PITRM1: variants seen among roughly 807,000 people sequenced by gnomAD.
The protein encoded by PITRM1 is pitrilysin metallopeptidase 1, also known as presequence protease, mitochondrial.
PITRM1 carries 100 observed loss-of-function variants against 129.9 expected under a neutral mutation model. The observed-to-expected ratio is 0.77, with a 90% CI of 0.65 to 0.91. The LOEUF is 0.91. PITRM1 is among the 40% of genes least tolerant of loss of function. The pLI is 0.00. For synonymous variants in PITRM1, 591 were observed against 508.8 expected, an observed-to-expected ratio of 1.16 and a Z score of -2.17; for missense variants, 1,471 against 1,318.3, an observed-to-expected ratio of 1.12 and a Z score of -1.79.
intron 6 of PITRM1, among the ~76,000 whole-genome samples, chr10:3,164,882 C>A (rs1446512583): frequency 6.6e-6 from 1 of 152,230 alleles, no homozygotes; most frequent in African/African-American, 2.4e-5. Flanking sequence ...GCTCTGTATG[C>A]AGCTCGCTGT....
Position 3,151,313 on chromosome 10 carries a change from G to T in PITRM1, c.1672C>A (p.Pro558Thr), listed in dbSNP as rs764260771. Residue 558 changes from proline to threonine, a missense_variant, in exon 15 of 27, where the codon CCA becomes ACA. By Grantham distance (38) the Pro-to-Thr change is conservative. Coordinates refer to ENST00000224949, the MANE Select transcript of PITRM1 (RefSeq NM_014889.4). ...QSKPQDASCL[P>T]ALKVSDIEPT... ...TCAATATCGGAAACTTTCAACGCTG[G>T]CAGACAAGAGGCATCTTGAGGTTTG... The T allele has an allele frequency of 1.2e-6, 2 of 1,611,302 alleles. No homozygotes were observed. The highest frequency in any genetic ancestry group is 3.3e-5 in the Admixed American group (2 of 59,714).
At chr10:3,163,219 CAATT>C (rs1842592315) in intron 7 of PITRM1, 1 of 151,994 alleles carries the variant, frequency 6.6e-6, no homozygotes, top group Non-Finnish European at 1.5e-5. Flanking sequence ...TATGTAAATA[CAATT>C]AGTGTTTTAT....
rs574989505 is a variant in PITRM1, at chr10:3,157,178, G to A, written c.1348-114C>T. 6.1e-5 allele frequency: 60 copies of A among 989,482 alleles called. No individual in the cohort carries two copies. The South Asian group carries it at 1.1e-3, about 18-fold the overall frequency. 61.3% of individuals were successfully genotyped at this position (989,482 alleles called of 1,614,324 possible). On this transcript the variant is annotated intron_variant, in intron 12 of 26. Coordinates refer to ENST00000224949, the MANE Select transcript of PITRM1 (RefSeq NM_014889.4). The stretch of plus-strand genomic sequence containing the variant: ...TTCTGTATTTAAATATACCACAGAT[G>A]ATTGTTTATAACAAAAGTCATGTAA...
At chr10:3,163,977 G>A in intron 6 of PITRM1, 92 bp from the exon 7 acceptor site, 1 of 794,778 alleles carries the variant, frequency 1.3e-6, no homozygotes, top group Non-Finnish European at 1.9e-6. Flanking sequence ...TCACATTCTG[G>A]TGCATACACC....
chr10:3,151,213 C>T (rs745843718), intron 15 of PITRM1, 34 bp downstream of exon 15: 22 of 1,215,928 alleles, frequency 1.8e-5, no homozygotes, highest in African/African-American at 4.5e-5. Flanking sequence ...CCAAGGAACC[C>T]GAGACCCGGG....
At position 3,157,048 on chromosome 10, in the gene PITRM1, C is replaced by CA. The variant is rs1322653760; in HGVS notation, c.1363dup (p.Trp455LeufsTer4). 3 of 1,609,682 alleles carry CA rather than the reference C, an allele frequency of 1.9e-6. No homozygotes were observed. The highest frequency in any genetic ancestry group is 2.5e-6 in the Non-Finnish European group (3 of 1,178,900). On this transcript the variant is annotated frameshift_variant, in exon 13 of 27. Coordinates refer to ENST00000224949, the MANE Select transcript of PITRM1 (RefSeq NM_014889.4). LOFTEE classifies it high-confidence loss of function. ...CTCCACAGGGTCCCCATCATGGTTC[C>CA]AGCAAGAAGCTATGTACTGGAAGGA...
chr10:3,154,223 G>A (rs537203302), intron 14 of PITRM1, among the ~76,000 whole-genome samples: 1 of 152,338 alleles, frequency 6.6e-6, no homozygotes, highest in Non-Finnish European at 1.5e-5. Context: ...CTCCTTCACA[G>A]CTAGTGGCAT....
rs182908950 is a variant in PITRM1, at chr10:3,138,946, C to T, written c.2875G>A (p.Val959Ile). The change falls in exon 25 of 27, where the codon GTC (valine) becomes ATC (isoleucine). Residue 959 changes from valine to isoleucine, a missense_variant. Physicochemically the swap from Val to Ile is conservative, Grantham distance 29. Coordinates refer to ENST00000224949, the MANE Select transcript of PITRM1 (RefSeq NM_014889.4). ...QQDIDEAKLS[V>I]FSTVDAPVAP... The stretch of plus-strand genomic sequence containing the variant: ...ACAGGAGCATCTACGGTTGAGAAGA[C>T]AGAAAGTTTGGCTTCGTCGATGTCT... 8.7e-6 allele frequency: 14 copies of T among 1,613,988 alleles called. No individual in the cohort carries two copies. The highest frequency in any genetic ancestry group is 3.3e-5 in the South Asian group (3 of 91,082).
At chr10:3,165,162 C>G (rs1325699167) in intron 6 of PITRM1, 76 bp downstream of exon 6, 1 of 1,003,678 alleles carries the variant, frequency 1.0e-6, no homozygotes, top group Non-Finnish European at 1.5e-6. Context: ...ATAAAATCTT[C>G]CAGATGTGTC....
At chr10:3,169,900 C>T (rs73579051) in intron 2 of PITRM1, among the ~76,000 whole-genome samples, 1 of 152,282 alleles carries the variant, frequency 6.6e-6, no homozygotes, top group African/African-American at 2.4e-5. Context: ...CCAGGCTTTG[C>T]GGGATTCCAG....
chr10:3,159,218 G>C (rs917603013), intron 9 of PITRM1, among the ~76,000 whole-genome samples, 176 bp from the exon 10 acceptor site: 3 of 152,132 alleles, frequency 2.0e-5, no homozygotes, highest in African/African-American at 4.8e-5. Flanking sequence ...ATTTTTGAAG[G>C]GGGGCACAAA....
At chr10:3,143,351 G>A (rs538500156) in intron 23 of PITRM1, 38 bp downstream of exon 23, 134 of 1,289,566 alleles carry the variant, frequency 1.0e-4, no homozygotes, top group Non-Finnish European at 1.4e-4. Context: ...TCTTCCGTAA[G>A]GCTCAGGCCT....
chr10:3,172,009 T>C (rs555309198), intron 1 of PITRM1, among the ~76,000 whole-genome samples: 409 of 152,342 alleles, frequency 2.7e-3, no homozygotes, highest in Non-Finnish European at 5.0e-3. Flanking sequence ...AGATATGCTA[T>C]AACCAACATT....
At chr10:3,171,471 T>C (rs1843350528) in intron 1 of PITRM1, among the ~76,000 whole-genome samples, 1 of 152,054 alleles carries the variant, frequency 6.6e-6, no homozygotes, top group South Asian at 2.1e-4. Flanking sequence ...TTGAGACAGA[T>C]CTCACTCTGT....
chr10:3,171,017 G>A (rs971611013), intron 1 of PITRM1, among the ~76,000 whole-genome samples: 11 of 151,562 alleles, frequency 7.3e-5, no homozygotes, highest in African/African-American at 1.7e-4. Context: ...GGTCTCTATC[G>A]TCCACACCTT....
intron 14 of PITRM1, among the ~76,000 whole-genome samples, chr10:3,155,085 C>A (rs1030333166): frequency 6.6e-6 from 1 of 152,218 alleles, no homozygotes; most frequent in African/African-American, 2.4e-5. Flanking sequence ...CAGGCCCTCC[C>A]CAGAGCCACA....
intron 23 of PITRM1, among the ~76,000 whole-genome samples, chr10:3,142,149 C>A (rs575409752): frequency 3.3e-5 from 5 of 152,328 alleles, no homozygotes; most frequent in African/African-American, 1.2e-4. Context: ...TGGAAACAGA[C>A]ACCACTCTTC....
upstream of PITRM1, chr10:3,172,807 C>A (rs901212259): frequency 4.6e-6 from 7 of 1,533,352 alleles, no homozygotes; most frequent in Non-Finnish European, 6.1e-6. Context: ...CGAGGAACCC[C>A]CTCTTAACCC....
At chr10:3,168,915 TACACACACACACACACACACACAC>T (rs61366911) in intron 2 of PITRM1, among the ~76,000 whole-genome samples, 61 of 142,842 alleles carry the variant, frequency 4.3e-4, no homozygotes, top group Admixed American at 7.7e-4. Context: ...AGTTTCCATC[TACACACACACACACACACACACAC>T]ACACACACAC....
Sources: allele counts gnomAD v4.1 joint callset (sites outside exome capture counted in the v4.1 genomes callset), GRCh38; gene constraint gnomAD v4.1.1; transcripts MANE v1.5; gene names NCBI Gene and HGNC (gene_info 2026-07-23, HGNC 2026-07-21).